The following SLC49A4 variants were observed in gnomAD, a reference collection of about 807,000 sequenced individuals.
The protein encoded by SLC49A4 is disrupted in renal cancer protein 2.
In SLC49A4, 36 loss-of-function variants were observed where a neutral mutation model predicts 50.6. The observed-to-expected ratio is 0.71, with a 90% CI of 0.55 to 0.94. The LOEUF is 0.94. Among genes scored for constraint, SLC49A4 ranks in the 40% least tolerant of loss-of-function variants. SLC49A4 has a pLI of 0.00. For missense variants in SLC49A4, 503 were observed against 605.7 expected (o/e 0.83, Z 1.78); for synonymous variants, 248 against 241.2 (o/e 1.03, Z -0.26).
intron 7 of SLC49A4, among the ~76,000 whole-genome samples, chr3:122,866,780 A>T (rs529321699): frequency 1.7e-4 from 26 of 152,060 alleles, no homozygotes; most frequent in Non-Finnish European, 2.1e-4. Context: ...GACCTGCCAG[A>T]TGACTCTCTT....
chr3:122,817,534 A>G (rs1936387599), intron 2 of SLC49A4, among the ~76,000 whole-genome samples: 1 of 151,698 alleles, frequency 6.6e-6, no homozygotes, highest in African/African-American at 2.4e-5. Context: ...CAAGTTTTGC[A>G]TGTGTGTGTG....
intron 2 of SLC49A4, among the ~76,000 whole-genome samples, 159 bp downstream of exon 2, chr3:122,807,109 C>G (rs1229351554): frequency 6.6e-6 from 1 of 151,880 alleles, no homozygotes; most frequent in Admixed American, 6.6e-5. Flanking sequence ...ATGGAAGACA[C>G]TAGTTGTTGT....
intron 8 of SLC49A4, among the ~76,000 whole-genome samples, chr3:122,876,732 A>G (rs1352543219): frequency 6.6e-6 from 1 of 152,252 alleles, no homozygotes; most frequent in Non-Finnish European, 1.5e-5. Flanking sequence ...CTGTAGGGAA[A>G]GATGAGGTGA....
chr3:122,859,108 G>A (rs1937026208), intron 6 of SLC49A4, among the ~76,000 whole-genome samples: 1 of 152,216 alleles, frequency 6.6e-6, no homozygotes, highest in African/African-American at 2.4e-5. Context: ...AAATAAAATA[G>A]AAAGTGGAGG....
At chr3:122,827,150 T>C in intron 3 of SLC49A4, 85 bp downstream of exon 3, 1 of 1,416,750 alleles carries the variant, frequency 7.1e-7, no homozygotes, top group East Asian at 2.3e-5. Context: ...ACAGATACCT[T>C]CATATGAAAT....
In SLC49A4 at chr3:122,795,438, C is replaced by G; in HGVS notation, c.246C>G (p.Ala82=). The G allele has an allele frequency of 6.2e-7, 1 of 1,607,920 alleles. No individual in the cohort carries two copies. The highest frequency in any genetic ancestry group is 1.1e-5 in the South Asian group (1 of 90,716). The change falls in exon 1 of 9, where the codon GCC becomes GCG. Residue 82 remains alanine (A), a synonymous_variant. Transcript: ENST00000261038. The stretch of plus-strand genomic sequence containing the variant: ...CCATCCAGAACTCGGCGCGCCAGGC[C>G]TACGGCTTCTCCAGCTGGGACATCG... ...WGPIQNSARQ[A]YGFSSWDIAL...
intron 3 of SLC49A4, among the ~76,000 whole-genome samples, chr3:122,828,931 A>G (rs1375310009): frequency 1.3e-5 from 2 of 152,202 alleles, no homozygotes; most frequent in African/African-American, 4.8e-5. Context: ...CAGTACATGC[A>G]GCTCATGGTT....
At chr3:122,826,128 A>T (rs1192629258) in intron 2 of SLC49A4, among the ~76,000 whole-genome samples, 1 of 152,280 alleles carries the variant, frequency 6.6e-6, no homozygotes, top group South Asian at 2.1e-4. Context: ...AAGAAATGGA[A>T]CCCCACAAAG....
intron 4 of SLC49A4, among the ~76,000 whole-genome samples, chr3:122,844,120 A>G (rs1022587167): frequency 6.6e-6 from 1 of 152,216 alleles, no homozygotes; most frequent in African/African-American, 2.4e-5. Context: ...AAAATAGTCT[A>G]AGCTTAATTT....
chr3:122,846,511 A>G (rs1349765727), intron 5 of SLC49A4, among the ~76,000 whole-genome samples: 3 of 152,184 alleles, frequency 2.0e-5, no homozygotes, highest in African/African-American at 7.2e-5. Flanking sequence ...ACACTCTCTT[A>G]CATGTCTCTA....
In SLC49A4 at chr3:122,822,919, C is replaced by T. The variant is rs564754038; in HGVS notation, c.438-3881C>T. 2.6e-5 allele frequency among the ~76,000 whole-genome samples: 4 copies of T among 152,230 alleles called. No individual in the cohort carries two copies. In the South Asian group the frequency reaches 8.3e-4, roughly 32 times the overall value. ...CTCCAGTATCCACCCCCTCTCCTTG[C>T]CATATATATTGTATCACCTTAACGG... On this transcript the variant is annotated intron_variant, in intron 2 of 8. Coordinates refer to ENST00000261038, the MANE Select transcript of SLC49A4 (RefSeq NM_032839.3).
intron 4 of SLC49A4, among the ~76,000 whole-genome samples, chr3:122,835,321 A>G (rs1324026255): frequency 2.0e-5 from 3 of 152,172 alleles, no homozygotes; most frequent in African/African-American, 4.8e-5. Flanking sequence ...GACATAACAA[A>G]AAAGAAAACT....
At chr3:122,802,862 A>G (rs1936153937) in intron 1 of SLC49A4, among the ~76,000 whole-genome samples, 2 of 152,300 alleles carry the variant, frequency 1.3e-5, no homozygotes, top group African/African-American at 4.8e-5. Context: ...TCCACAATGG[A>G]ACACAGAGAA....
chr3:122,832,540 A>G (rs776258388), intron 3 of SLC49A4, among the ~76,000 whole-genome samples: 1 of 152,172 alleles, frequency 6.6e-6, no homozygotes, highest in Non-Finnish European at 1.5e-5. Context: ...GGTCTGTCTT[A>G]TACAATGCAT....
intron 8 of SLC49A4, among the ~76,000 whole-genome samples, chr3:122,877,504 G>C (rs1193109780): frequency 6.6e-6 from 1 of 152,184 alleles, no homozygotes; most frequent in Non-Finnish European, 1.5e-5. Flanking sequence ...GACAATATTT[G>C]AAATGTTTCT....
intron 5 of SLC49A4, among the ~76,000 whole-genome samples, chr3:122,846,493 C>T (rs1020428320): frequency 2.6e-5 from 4 of 152,160 alleles, no homozygotes; most frequent in Non-Finnish European, 5.9e-5. Flanking sequence ...ACAAACAATG[C>T]TGTATTAACA....
intron 8 of SLC49A4, among the ~76,000 whole-genome samples, chr3:122,877,587 C>G: frequency 6.6e-6 from 1 of 152,208 alleles, no homozygotes; most frequent in East Asian, 1.9e-4. Flanking sequence ...AATACAGTCT[C>G]TAAGATATAG....
chr3:122,854,051 G>A (rs1195440196), intron 5 of SLC49A4, among the ~76,000 whole-genome samples: 1 of 152,192 alleles, frequency 6.6e-6, no homozygotes, highest in African/African-American at 2.4e-5. Flanking sequence ...ATATGCAGTG[G>A]TCCTTAACCT....
intron 2 of SLC49A4, among the ~76,000 whole-genome samples, chr3:122,818,701 TG>T (rs760644327): frequency 4.6e-5 from 7 of 152,116 alleles, no homozygotes; most frequent in Non-Finnish European, 7.4e-5. Context: ...CCCAGCACTT[TG>T]GAAGGCTGAG....
Sources: allele counts gnomAD v4.1 joint callset (sites outside exome capture counted in the v4.1 genomes callset), GRCh38; gene constraint gnomAD v4.1.1; transcripts MANE v1.5; gene names NCBI Gene and HGNC (gene_info 2026-07-23, HGNC 2026-07-21).